The following PTPRD variants were observed in gnomAD, a reference collection of about 807,000 sequenced individuals.
PTPRD encodes receptor-type tyrosine-protein phosphatase delta.
A neutral mutation model predicts 214.5 loss-of-function variants in PTPRD; 34 were observed. That is an observed-to-expected ratio of 0.16 (90% CI 0.12 to 0.21). The LOEUF (loss-of-function observed/expected upper bound fraction) is 0.21. Ranked by LOEUF, PTPRD falls within the 10% of genes least tolerant of loss-of-function variation. The pLI is 1.00. For missense variants in PTPRD, 2,545 were observed against 2,398.7 expected, an observed-to-expected ratio of 1.06 and a Z score of -1.27; for synonymous variants, 1,128 against 845.7, an observed-to-expected ratio of 1.33 and a Z score of -5.79.
At chr9:10,092,658 C>T (rs10958883) in intron 3 of PTPRD, among the ~76,000 whole-genome samples, 7,099 of 151,440 alleles carry the variant, frequency 0.047, 192 homozygotes, top group Middle Eastern at 0.11. Flanking sequence ...CAATCCTATG[C>T]AAAAAGAACA....
chr9:10,059,375 G>A lies in PTPRD; in HGVS notation c.-544-25585C>T, dbSNP rs184092287. ...CATATGGCAACCTGTATTCCTGGGA[G>A]GCCACAGTCACAATTGCAGCATCCA... On this transcript the variant is annotated intron_variant, in intron 3 of 45. Coordinates refer to ENST00000381196, the MANE Select transcript of PTPRD (RefSeq NM_002839.4). Among the ~76,000 whole-genome samples, 434 of 152,188 alleles carry A rather than the reference G, an allele frequency of 2.9e-3. 2 individuals carry two copies. The highest frequency in any genetic ancestry group is 3.9e-3 in the Non-Finnish European group (268 of 67,986).
At chr9:10,573,258 A>G (rs561906653) in intron 2 of PTPRD, among the ~76,000 whole-genome samples, 3 of 152,292 alleles carry the variant, frequency 2.0e-5, no homozygotes, top group African/African-American at 7.2e-5. Flanking sequence ...TACTTTATCA[A>G]TAAAAAACAC....
chr9:8,562,561 C>T (rs186933896), intron 14 of PTPRD, among the ~76,000 whole-genome samples: 57 of 152,140 alleles, frequency 3.7e-4, no homozygotes, highest in Non-Finnish European at 5.9e-5. Context: ...CTCAGCCTTC[C>T]AAGTAGGTGG....
At chr9:10,297,228 T>A (rs1244520621) in intron 3 of PTPRD, among the ~76,000 whole-genome samples, 2 of 151,354 alleles carry the variant, frequency 1.3e-5, no homozygotes, top group East Asian at 3.9e-4. Context: ...TGCAACTGCA[T>A]GAGAAAACTG....
chr9:9,793,687 C>T (rs2098982674), intron 5 of PTPRD, among the ~76,000 whole-genome samples: 1 of 151,758 alleles, frequency 6.6e-6, no homozygotes, highest in Admixed American at 6.6e-5. Flanking sequence ...TCAAATTCAG[C>T]TCAGAATATA....
intron 11 of PTPRD, among the ~76,000 whole-genome samples, chr9:8,969,116 A>G (rs757682155): frequency 6.6e-6 from 1 of 152,044 alleles, no homozygotes; most frequent in South Asian, 2.1e-4. Flanking sequence ...TCCCTCTAAA[A>G]CCATTTATAA....
At chr9:9,774,217 A>T (rs2098778005) in intron 5 of PTPRD, among the ~76,000 whole-genome samples, 2 of 152,226 alleles carry the variant, frequency 1.3e-5, no homozygotes. Context: ...GATCATTAAA[A>T]CACATGGAGT....
At chr9:8,425,397 C>T (rs768519152) in intron 35 of PTPRD, among the ~76,000 whole-genome samples, 1 of 152,028 alleles carries the variant, frequency 6.6e-6, no homozygotes, top group Non-Finnish European at 1.5e-5. Flanking sequence ...ATTGTTATGA[C>T]CTTTCAAGGG....
intron 39 of PTPRD, among the ~76,000 whole-genome samples, chr9:8,358,775 A>G (rs1181475291): frequency 2.0e-5 from 3 of 152,066 alleles, no homozygotes; most frequent in African/African-American, 7.2e-5. Context: ...TTATGAAACC[A>G]ATATTTAACT....
intron 8 of PTPRD, among the ~76,000 whole-genome samples, chr9:9,465,216 A>C (rs536808180): frequency 1.3e-5 from 2 of 152,320 alleles, no homozygotes; most frequent in Non-Finnish European, 2.9e-5. Flanking sequence ...TAACAGCTGA[A>C]ACTTTTCTAG....
At chr9:9,560,784 G>C (rs1420731809) in intron 8 of PTPRD, among the ~76,000 whole-genome samples, 1 of 151,948 alleles carries the variant, frequency 6.6e-6, no homozygotes, top group Non-Finnish European at 1.5e-5. Context: ...GCTTAAAGTA[G>C]CTTTCTCATT....
chr9:10,175,817 C>T (rs2099244933), intron 3 of PTPRD, among the ~76,000 whole-genome samples: 1 of 151,758 alleles, frequency 6.6e-6, no homozygotes. Context: ...ATACTCAACA[C>T]AGTAACACAA....
intron 7 of PTPRD, among the ~76,000 whole-genome samples, chr9:9,630,608 T>C (rs939126471): frequency 3.9e-5 from 6 of 152,176 alleles, no homozygotes; most frequent in Non-Finnish European, 8.8e-5. Flanking sequence ...AAAATGCCAT[T>C]TAAAAGAGCT....
At chr9:9,000,703 T>A (rs2099414643) in intron 11 of PTPRD, among the ~76,000 whole-genome samples, 1 of 151,970 alleles carries the variant, frequency 6.6e-6, no homozygotes, top group Admixed American at 6.6e-5. Context: ...CACATCTGAC[T>A]GCTAAAAAAC....
At chr9:10,221,844 A>T (rs987430089) in intron 3 of PTPRD, among the ~76,000 whole-genome samples, 1 of 151,982 alleles carries the variant, frequency 6.6e-6, no homozygotes. Context: ...GCACTTGTGA[A>T]AGCAAACATT....
chr9:9,676,238 T>A (rs2096926755), intron 7 of PTPRD, among the ~76,000 whole-genome samples: 1 of 151,800 alleles, frequency 6.6e-6, no homozygotes, highest in African/African-American at 2.4e-5. Context: ...AACTCGTCAT[T>A]TAACGTTAGG....
intron 39 of PTPRD, among the ~76,000 whole-genome samples, chr9:8,356,915 AT>A (rs2077115566): frequency 6.6e-6 from 1 of 152,224 alleles, no homozygotes; most frequent in South Asian, 2.1e-4. Flanking sequence ...ATTAAATATA[AT>A]TATATAGAAA....
chr9:8,861,075 G>GCTATAGCACACAGGAGCTTTC (rs2098094171), intron 11 of PTPRD: 1 of 152,180 alleles, frequency 6.6e-6, no homozygotes, highest in African/African-American at 2.4e-5. Flanking sequence ...CAGGAGCTTT[G>GCTATAGCACACAGGAGCTTTC]CTATAGCACT....
intron 9 of PTPRD, among the ~76,000 whole-genome samples, chr9:9,280,480 C>T (rs920956357): frequency 6.6e-6 from 1 of 150,770 alleles, no homozygotes; most frequent in Non-Finnish European, 1.5e-5. Context: ...TTTTATATAC[C>T]AACAATGAAA....
Sources: gnomAD v4.1 joint callset for allele counts (sites outside exome capture counted in the v4.1 genomes callset) on GRCh38, gnomAD v4.1.1 for gene constraint, MANE v1.5 for transcripts, NCBI Gene and HGNC (gene_info 2026-07-23, HGNC 2026-07-21) for gene names.